Variants in PLOD2 observed in about 807,000 individuals in gnomAD.
PLOD2 encodes lysine hydroxylase 2.
PLOD2 carries 65 observed loss-of-function variants against 101.0 expected under a neutral mutation model. That is an observed-to-expected ratio of 0.64 (90% CI 0.53 to 0.79). The LOEUF is 0.79. Among genes scored for constraint, PLOD2 ranks in the 30% least tolerant of loss-of-function variants. PLOD2 has a pLI of 0.00. For missense variants in PLOD2, 909 were observed against 914.6 expected (o/e 0.99, Z 0.08); for synonymous variants, 314 against 302.9 (o/e 1.04, Z -0.38).
chr3:146,129,598 G>A (rs571742376), intron 1 of PLOD2, among the ~76,000 whole-genome samples: 20 of 152,116 alleles, frequency 1.3e-4, no homozygotes, highest in African/African-American at 4.8e-4. Flanking sequence ...TAAAGCAGTC[G>A]ACACAAACTC....
chr3:146,159,673 T>G (rs1036614260), intron 1 of PLOD2, among the ~76,000 whole-genome samples: 1 of 152,194 alleles, frequency 6.6e-6, no homozygotes, highest in African/African-American at 2.4e-5. Context: ...AAAGTTTAGT[T>G]CAAATTTAGA....
At chr3:146,121,970 C>T (rs879920247) in intron 2 of PLOD2, among the ~76,000 whole-genome samples, 4 of 152,160 alleles carry the variant, frequency 2.6e-5, no homozygotes, top group Admixed American at 6.5e-5. Flanking sequence ...ACAACACACA[C>T]CTTTTCTCTT....
At chr3:146,129,093 G>C (rs370366841) in intron 1 of PLOD2, among the ~76,000 whole-genome samples, 9 of 151,990 alleles carry the variant, frequency 5.9e-5, no homozygotes, top group African/African-American at 1.9e-4. Flanking sequence ...TGAGTACACT[G>C]TTCTCATTCT....
intron 3 of PLOD2, among the ~76,000 whole-genome samples, chr3:146,115,842 C>T (rs930241490): frequency 6.6e-6 from 1 of 152,112 alleles, no homozygotes; most frequent in Admixed American, 6.6e-5. Flanking sequence ...TGAACTCTGT[C>T]ACTGTGTTGC....
At chr3:146,130,076 C>A (rs2030819328) in intron 1 of PLOD2, among the ~76,000 whole-genome samples, 1 of 152,262 alleles carries the variant, frequency 6.6e-6, no homozygotes, top group South Asian at 2.1e-4. Flanking sequence ...TCTCTCCTCT[C>A]CAATCTCATC....
chr3:146,074,205 A>G (rs1056697596), intron 15 of PLOD2, among the ~76,000 whole-genome samples: 1 of 151,530 alleles, frequency 6.6e-6, no homozygotes, highest in African/African-American at 2.4e-5. Context: ...ATATTTACTA[A>G]AATATTATTA....
rs373321570 is a variant in PLOD2, at chr3:146,123,304, C to T, written c.201+834G>A. 6.9e-5 allele frequency: 81 copies of T among 1,176,190 alleles called. No individual in the cohort carries two copies. In the African/African-American group the frequency reaches 1.3e-3, roughly 19 times the overall value. The allele number at this position is 1,176,190 out of a possible 1,614,324, so 72.9% of individuals were successfully genotyped here. On this transcript the variant is annotated intron_variant, in intron 2 of 19. Coordinates refer to ENST00000282903, the MANE Select transcript of PLOD2 (RefSeq NM_182943.3). ...GTTCTCCTCTTATTTGTAGAAAAGA[C>T]TTGGCTGACAGATCCTTCTTTCTAT...
At chr3:146,101,607 A>T (rs939198805) in intron 7 of PLOD2, among the ~76,000 whole-genome samples, 1 of 152,176 alleles carries the variant, frequency 6.6e-6, no homozygotes, top group Admixed American at 6.6e-5. Context: ...CTGTGATGGG[A>T]AGAGGTGGAG....
At chr3:146,136,442 A>G (rs913299347) in intron 1 of PLOD2, among the ~76,000 whole-genome samples, 2 of 152,224 alleles carry the variant, frequency 1.3e-5, no homozygotes, top group Non-Finnish European at 2.9e-5. Flanking sequence ...AAAATTATTT[A>G]AAACATTATA....
chr3:146,081,753 A>T lies in PLOD2; in HGVS notation c.1343T>A (p.Val448Asp). 1 of 1,608,674 alleles carries T rather than the reference A, an allele frequency of 6.2e-7. No individual in the cohort carries two copies. The highest frequency in any genetic ancestry group is 8.5e-7 in the Non-Finnish European group (1 of 1,175,230). The change falls in exon 12 of 20, where the codon GTT becomes GAT. Residue 448 changes from valine to aspartate, a missense_variant. Val to Asp is a radical substitution (Grantham distance 152). Transcript: ENST00000282903. Reference protein sequence around the residue: ...YARSEDYVDIVQGNRVGVWNV... With the variant: ...YARSEDYVDIDQGNRVGVWNV... ...AGTAACTTACACTCTATTCCCTTGA[A>T]CAATATCCACATAATCTTCAGATCG...
chr3:146,151,138 TTTC>T (rs2032035864), intron 1 of PLOD2, among the ~76,000 whole-genome samples: 1 of 152,142 alleles, frequency 6.6e-6, no homozygotes, highest in African/African-American at 2.4e-5. Context: ...AATAGTAAGT[TTTC>T]TTGAGACCTC....
At chr3:146,118,126 A>T (rs141095534) in intron 3 of PLOD2, among the ~76,000 whole-genome samples, 1 of 152,252 alleles carries the variant, frequency 6.6e-6, no homozygotes, top group Admixed American at 6.5e-5. Context: ...GGTTGTTTGA[A>T]ATCCATGGTA....
chr3:146,115,363 T>A (rs967731922), intron 3 of PLOD2, among the ~76,000 whole-genome samples: 1 of 152,186 alleles, frequency 6.6e-6, no homozygotes, highest in Non-Finnish European at 1.5e-5. Flanking sequence ...GCCAGACATG[T>A]CAGTGTTCTA....
In PLOD2 at chr3:146,112,026, C is replaced by T. The variant is rs190144190; in HGVS notation, c.339-1578G>A. On this transcript the variant is annotated intron_variant, in intron 3 of 19. Transcript: ENST00000282903. ...TAGCTTGTGATGTCAGAGCATCTTA[C>T]GATTGGAGACTCTGACTAAACTGAG... Among the ~76,000 whole-genome samples the T allele has an allele frequency of 6.6e-3, 1,008 of 152,176 alleles. 6 individuals are homozygous for T. The highest frequency in any genetic ancestry group is 0.017 in the Middle Eastern group (5 of 294).
Position 146,121,256 on chromosome 3 carries a change from C to T in PLOD2, c.202-8G>A, listed in dbSNP as rs765301557. ...TTCTCCTTGACCAAGGACCTATAAACAAAATCAACATTTCATTCCTGAGCA... is the reference window on the plus strand; with the variant it reads ...TTCTCCTTGACCAAGGACCTATAAATAAAATCAACATTTCATTCCTGAGCA... On this transcript the variant is annotated splice_region_variant and splice_polypyrimidine_tract_variant and intron_variant, in intron 2 of 19. Transcript: ENST00000282903. 2 of 1,611,212 alleles carry T rather than the reference C, an allele frequency of 1.2e-6. No individual in the cohort carries two copies. The highest frequency in any genetic ancestry group is 1.1e-5 in the South Asian group (1 of 91,032).
At chr3:146,154,906 C>A (rs2032228639) in intron 1 of PLOD2, among the ~76,000 whole-genome samples, 1 of 152,170 alleles carries the variant, frequency 6.6e-6, no homozygotes, top group African/African-American at 2.4e-5. Context: ...ACACTTCCCT[C>A]TTTTAATACA....
intron 3 of PLOD2, among the ~76,000 whole-genome samples, chr3:146,114,315 T>C (rs2108077070): frequency 6.6e-6 from 1 of 152,198 alleles, no homozygotes; most frequent in East Asian, 1.9e-4. Context: ...AATAAAAACT[T>C]GCTGGTTTTC....
intron 9 of PLOD2, among the ~76,000 whole-genome samples, chr3:146,087,773 A>T (rs1415225183): frequency 6.6e-6 from 1 of 151,892 alleles, no homozygotes; most frequent in Non-Finnish European, 1.5e-5. Context: ...AAAACAAAAT[A>T]CTTTAGTGAA....
rs560355386 is a variant in PLOD2, at chr3:146,090,833, G to C, written c.879+967C>G. ...AGTTAGTAGTACTATATTCCTAAGA[G>C]CTTTATTTTTGCCTATATTGCTTCT... On this transcript the variant is annotated intron_variant, in intron 8 of 19. Coordinates refer to ENST00000282903, the MANE Select transcript of PLOD2 (RefSeq NM_182943.3). 6.6e-5 allele frequency among the ~76,000 whole-genome samples: 10 copies of C among 151,908 alleles called. No individual in the cohort carries two copies. In the South Asian group the frequency reaches 1.9e-3, roughly 28 times the overall value.
Sources: allele counts gnomAD v4.1 joint callset (sites outside exome capture counted in the v4.1 genomes callset), GRCh38; gene constraint gnomAD v4.1.1; transcripts MANE v1.5; gene names NCBI Gene and HGNC (gene_info 2026-07-23, HGNC 2026-07-21).